The following GRB10 variants were observed in gnomAD, a reference collection of about 807,000 sequenced individuals.
The protein encoded by GRB10 is growth factor receptor bound protein 10.
A neutral mutation model predicts 80.9 loss-of-function variants in GRB10; 20 were observed. That is an observed-to-expected ratio of 0.25 (90% CI 0.17 to 0.36). The LOEUF is 0.36. Among genes scored for constraint, GRB10 ranks in the 10% least tolerant of loss-of-function variants. The probability of loss-of-function intolerance (pLI) is 1.00; values close to 1 mark genes in which losing one functional copy is unlikely to be tolerated. For synonymous variants in GRB10, 291 were observed against 291.5 expected (o/e 1.00, Z 0.02); for missense variants, 548 against 747.7 (o/e 0.73, Z 3.12).
At chr7:50,699,472 T>C (rs1359522201) in intron 5 of GRB10, among the ~76,000 whole-genome samples, 1 of 152,250 alleles carries the variant, frequency 6.6e-6, no homozygotes, top group Non-Finnish European at 1.5e-5. Flanking sequence ...TGTATTATAA[T>C]GAGTGAAGAG....
At chr7:50,719,483 G>A (rs116043938) in intron 4 of GRB10, among the ~76,000 whole-genome samples, 1,979 of 150,794 alleles carry the variant, frequency 0.013, 52 homozygotes, top group African/African-American at 0.046. Flanking sequence ...ATGAGAACAC[G>A]TGGACACAGG....
At chr7:50,733,649 C>G (rs982468204) in intron 3 of GRB10, among the ~76,000 whole-genome samples, 2 of 152,206 alleles carry the variant, frequency 1.3e-5, no homozygotes, top group African/African-American at 4.8e-5. Flanking sequence ...GAACTGTGCC[C>G]GCATCCACCC....
intron 7 of GRB10, among the ~76,000 whole-genome samples, chr7:50,634,761 C>T (rs1417554209): frequency 1.3e-5 from 2 of 152,168 alleles, no homozygotes; most frequent in African/African-American, 4.8e-5. Context: ...ATAAAACAGA[C>T]TTTAAGCTAA....
intron 4 of GRB10, among the ~76,000 whole-genome samples, chr7:50,731,724 G>A (rs979451007): frequency 2.4e-4 from 36 of 152,222 alleles, no homozygotes; most frequent in Non-Finnish European, 1.2e-4. Context: ...TGAAGGAACA[G>A]AAATGAACTT....
chr7:50,628,760 G>C (rs1000600205), intron 7 of GRB10, among the ~76,000 whole-genome samples: 3 of 152,166 alleles, frequency 2.0e-5, no homozygotes, highest in Non-Finnish European at 4.4e-5. Flanking sequence ...GCTGGATCAG[G>C]ACCCAGAGAC....
upstream of GRB10, among the ~76,000 whole-genome samples, chr7:50,786,935 G>C (rs950413539): frequency 3.9e-5 from 6 of 152,238 alleles, no homozygotes; most frequent in Non-Finnish European, 5.9e-5. Flanking sequence ...TAAAACTGCA[G>C]ATCACCTTAG....
intron 7 of GRB10, among the ~76,000 whole-genome samples, chr7:50,653,536 C>T (rs2058260369): frequency 6.6e-6 from 1 of 152,214 alleles, no homozygotes; most frequent in Non-Finnish European, 1.5e-5. Flanking sequence ...TGTGTGTACA[C>T]ACGTGCAGCT....
At chr7:50,707,717 AT>A (rs1287024288) in intron 4 of GRB10, among the ~76,000 whole-genome samples, 1 of 152,220 alleles carries the variant, frequency 6.6e-6, no homozygotes, top group Non-Finnish European at 1.5e-5. Context: ...TACCCCACGT[AT>A]TTCAAAGGGT....
chr7:50,748,321 A>G (rs1390222658), intron 3 of GRB10, among the ~76,000 whole-genome samples: 1 of 152,234 alleles, frequency 6.6e-6, no homozygotes, highest in Non-Finnish European at 1.5e-5. Context: ...CAGACAGTGC[A>G]CACCTACCTG....
intron 7 of GRB10, among the ~76,000 whole-genome samples, chr7:50,636,105 G>C (rs2054971807): frequency 6.6e-6 from 1 of 151,186 alleles, no homozygotes; most frequent in Admixed American, 6.6e-5. Flanking sequence ...AGCCTCCCAA[G>C]TGGCTGGGAC....
chr7:50,631,491 CA>C (rs1331641720), intron 7 of GRB10, among the ~76,000 whole-genome samples: 1 of 152,142 alleles, frequency 6.6e-6, no homozygotes, highest in Non-Finnish European at 1.5e-5. Context: ...TATGATCTAG[CA>C]TACTTTTTAG....
chr7:50,676,796 A>G (rs917264060), intron 5 of GRB10, among the ~76,000 whole-genome samples: 1 of 151,838 alleles, frequency 6.6e-6, no homozygotes, highest in African/African-American at 2.4e-5. Flanking sequence ...CCCCGGGGGT[A>G]GTGCTTGGGC....
chr7:50,751,538 CTG>C (rs1028046976), intron 3 of GRB10, among the ~76,000 whole-genome samples: 1 of 152,114 alleles, frequency 6.6e-6, no homozygotes, highest in African/African-American at 2.4e-5. Context: ...GCAATCTATA[CTG>C]AGAGAAAACA....
Position 50,732,308 on chromosome 7 carries a change from G to T in GRB10, c.15C>A (p.Gly5=). Residue 5 remains glycine (G), a synonymous_variant, in exon 4 of 19, where the codon GGC becomes GGA. Transcript: ENST00000401949. MALA[G]CPDSFLHHPY... ...GATGGTGCAAAAAGGAATCTGGGCAGCCGGCTAAAGCCATGGGTTCCTTCT... is the reference window on the plus strand; with the variant it reads ...GATGGTGCAAAAAGGAATCTGGGCATCCGGCTAAAGCCATGGGTTCCTTCT... 3.7e-6 allele frequency: 6 copies of T among 1,614,074 alleles called. No individual in the cohort carries two copies. The highest frequency in any genetic ancestry group is 4.2e-6 in the Non-Finnish European group (5 of 1,179,970).
chr7:50,663,264 C>T (rs3819431), intron 7 of GRB10, among the ~76,000 whole-genome samples: 13,303 of 152,226 alleles, frequency 0.087, 893 homozygotes, highest in Non-Finnish European at 0.11. Flanking sequence ...AAGGGACCTT[C>T]CCCCACAAGG....
At chr7:50,736,194 G>A (rs2153694492) in intron 3 of GRB10, among the ~76,000 whole-genome samples, 1 of 152,340 alleles carries the variant, frequency 6.6e-6, no homozygotes, top group South Asian at 2.1e-4. Flanking sequence ...CCTGAGGCAG[G>A]AGAATTGCTT....
intron 8 of GRB10, among the ~76,000 whole-genome samples, chr7:50,626,492 G>C (rs1166541662): frequency 1.3e-5 from 2 of 152,180 alleles, no homozygotes; most frequent in Non-Finnish European, 2.9e-5. Context: ...CCTCCCTCCT[G>C]TCCCCCGCCC....
At chr7:50,603,699 T>G (rs1456106106) in intron 17 of GRB10, among the ~76,000 whole-genome samples, 1 of 152,226 alleles carries the variant, frequency 6.6e-6, no homozygotes, top group Admixed American at 6.5e-5. Context: ...TTTTTCCATC[T>G]GCCCACTACC....
At chr7:50,646,324 A>C (rs1247291284) in intron 7 of GRB10, among the ~76,000 whole-genome samples, 1 of 152,182 alleles carries the variant, frequency 6.6e-6, no homozygotes, top group Non-Finnish European at 1.5e-5. Flanking sequence ...ACCTCCATAC[A>C]ACACAACACT....
Sources: gnomAD v4.1 joint callset for allele counts (sites outside exome capture counted in the v4.1 genomes callset) on GRCh38, gnomAD v4.1.1 for gene constraint, MANE v1.5 for transcripts, NCBI Gene and HGNC (gene_info 2026-07-23, HGNC 2026-07-21) for gene names.